The following OSBPL10 variants were observed in gnomAD, a reference collection of about 807,000 sequenced individuals.
The protein encoded by OSBPL10 is oxysterol binding protein like 10.
OSBPL10 carries 49 observed loss-of-function variants against 81.7 expected under a neutral mutation model. The observed-to-expected ratio is 0.60, with a 90% CI of 0.48 to 0.76. The LOEUF is 0.76. Ranked by LOEUF, OSBPL10 falls within the 30% of genes least tolerant of loss-of-function variation. The pLI is 0.00. For synonymous variants in OSBPL10, 419 were observed against 383.6 expected, an observed-to-expected ratio of 1.09 and a Z score of -1.08; for missense variants, 923 against 987.8, an observed-to-expected ratio of 0.93 and a Z score of 0.88.
intron 2 of OSBPL10, among the ~76,000 whole-genome samples, chr3:32,023,812 T>G (rs949644509): frequency 5.3e-5 from 8 of 152,176 alleles, no homozygotes; most frequent in Non-Finnish European, 1.2e-4. Flanking sequence ...ACATTCTATG[T>G]TTTTTTCTAT....
chr3:31,686,514 C>G (rs1430131139), intron 7 of OSBPL10, among the ~76,000 whole-genome samples: 1 of 152,180 alleles, frequency 6.6e-6, no homozygotes, highest in Non-Finnish European at 1.5e-5. Context: ...TAAAAACACT[C>G]AAAATGTTAA....
chr3:31,684,623 C>T (rs1245562461), intron 7 of OSBPL10, among the ~76,000 whole-genome samples: 1 of 152,128 alleles, frequency 6.6e-6, no homozygotes, highest in African/African-American at 2.4e-5. Context: ...TGACAGTGTG[C>T]ACTGGGAGGC....
At chr3:31,689,996 A>C (rs901040254) in intron 7 of OSBPL10, among the ~76,000 whole-genome samples, 2 of 152,092 alleles carry the variant, frequency 1.3e-5, no homozygotes, top group African/African-American at 4.8e-5. Context: ...GGAGGGGAGG[A>C]GAGAGGTTGG....
In OSBPL10 at chr3:31,929,993, T is replaced by C. The variant is rs1342315121; in HGVS notation, c.282-50163A>G. 4.1e-3 allele frequency among the ~76,000 whole-genome samples: 288 copies of C among 70,394 alleles called. 5 individuals carry two copies. The highest frequency in any genetic ancestry group is 0.015 in the African/African-American group (274 of 18,362). 46.2% of individuals were successfully genotyped at this position (70,394 alleles called of 152,430 possible). On this transcript the variant is annotated intron_variant, in intron 1 of 11. Coordinates refer to ENST00000396556, the MANE Select transcript of OSBPL10 (RefSeq NM_017784.5). The stretch of plus-strand genomic sequence containing the variant: ...CAGCCTGGGTGATCAAGTGAGACCC[T>C]GTCACCAACCAAAAAAAAAAAAAAA...
chr3:32,072,888 C>G (rs1699842170), intron 1 of OSBPL10, among the ~76,000 whole-genome samples: 1 of 152,146 alleles, frequency 6.6e-6, no homozygotes, highest in African/African-American at 2.4e-5. Flanking sequence ...TCAGTTTGGC[C>G]TTCCCACCTC....
chr3:31,872,495 T>G (rs1484343565), intron 3 of OSBPL10, among the ~76,000 whole-genome samples: 1 of 151,580 alleles, frequency 6.6e-6, no homozygotes, highest in Non-Finnish European at 1.5e-5. Flanking sequence ...TTAGGGTTAT[T>G]CACACTTTCA....
chr3:31,775,781 G>A (rs535022750), intron 4 of OSBPL10, among the ~76,000 whole-genome samples: 1 of 152,236 alleles, frequency 6.6e-6, no homozygotes, highest in East Asian at 1.9e-4. Context: ...AGAAAAAGAG[G>A]CCACTTACTC....
chr3:31,801,603 C>T (rs1257220260), intron 4 of OSBPL10, among the ~76,000 whole-genome samples: 1 of 152,146 alleles, frequency 6.6e-6, no homozygotes, highest in South Asian at 2.1e-4. Context: ...TAGCTGTGAC[C>T]GTGTTCACAC....
intron 4 of OSBPL10, among the ~76,000 whole-genome samples, chr3:31,750,817 T>C (rs982225327): frequency 1.3e-5 from 2 of 152,164 alleles, no homozygotes; most frequent in African/African-American, 2.4e-5. Context: ...CCATAAACTA[T>C]ACGGTATATA....
intron 1 of OSBPL10, among the ~76,000 whole-genome samples, chr3:31,911,184 A>G (rs36037886): frequency 0.16 from 24,474 of 152,156 alleles, 2,251 homozygotes; most frequent in East Asian, 0.21. Context: ...GGAAAAGGGG[A>G]AAAAGTCAAT....
chr3:31,829,802 C>T (rs1055224487), intron 4 of OSBPL10, among the ~76,000 whole-genome samples: 2 of 152,194 alleles, frequency 1.3e-5, no homozygotes, highest in African/African-American at 4.8e-5. Flanking sequence ...TGTAGGCTTG[C>T]TTTCTCTGCT....
chr3:31,725,903 T>C (rs1007276460), intron 6 of OSBPL10, among the ~76,000 whole-genome samples: 1 of 152,226 alleles, frequency 6.6e-6, no homozygotes, highest in Non-Finnish European at 1.5e-5. Flanking sequence ...CTAAATACTC[T>C]GGAGTTTCCA....
chr3:32,053,905 T>C (rs1248600914), intron 1 of OSBPL10, among the ~76,000 whole-genome samples: 3 of 152,058 alleles, frequency 2.0e-5, no homozygotes, highest in Non-Finnish European at 4.4e-5. Flanking sequence ...CAGACAGAGA[T>C]TGCAGTGAGC....
intron 1 of OSBPL10, among the ~76,000 whole-genome samples, chr3:32,071,028 T>C (rs750945632): frequency 6.6e-6 from 1 of 152,186 alleles, no homozygotes; most frequent in African/African-American, 2.4e-5. Flanking sequence ...TCTCACCTTA[T>C]TCAATATATT....
chr3:31,668,825 C>T lies in OSBPL10; in HGVS notation c.1914-1G>A. 6.2e-7 allele frequency: 1 copy of T among 1,602,254 alleles called. No homozygotes were observed. Among genetic ancestry groups the T allele is most frequent in the Non-Finnish European group, 8.5e-7 (1 of 1,172,576 alleles). On this transcript the variant is annotated splice_acceptor_variant, in intron 9 of 11. Transcript: ENST00000396556. LOFTEE classifies it high-confidence loss of function. The stretch of plus-strand genomic sequence containing the variant: ...GTTGTGCTTCACTTCTGCGGTAACC[C>T]TGAATTAATGAGTCAAATGAGTACA...
intron 2 of OSBPL10, among the ~76,000 whole-genome samples, chr3:32,039,465 C>G (rs1699550947): frequency 6.6e-6 from 1 of 151,906 alleles, no homozygotes; most frequent in Non-Finnish European, 1.5e-5. Context: ...CGAGACCAGC[C>G]TGGCCAGCAT....
chr3:31,909,862 T>G (rs1224067067), intron 1 of OSBPL10, among the ~76,000 whole-genome samples: 1 of 152,154 alleles, frequency 6.6e-6, no homozygotes, highest in Non-Finnish European at 1.5e-5. Context: ...TTTTTAAAAA[T>G]GTTAAACACA....
intron 3 of OSBPL10, among the ~76,000 whole-genome samples, chr3:31,833,705 G>GCGCACACACACACACA (rs1553631714): frequency 1.4e-5 from 2 of 137,962 alleles, no homozygotes; most frequent in East Asian, 4.4e-4. Flanking sequence ...ACACGCACAC[G>GCGCACACACACACACA]CACACACACA....
At chr3:31,804,749 A>G (rs926913456) in intron 4 of OSBPL10, among the ~76,000 whole-genome samples, 4 of 152,230 alleles carry the variant, frequency 2.6e-5, no homozygotes, top group Admixed American at 2.0e-4. Context: ...AGCAATAAAC[A>G]GCAGCATTCG....
Sources: allele counts gnomAD v4.1 joint callset (sites outside exome capture counted in the v4.1 genomes callset), GRCh38; gene constraint gnomAD v4.1.1; transcripts MANE v1.5; gene names NCBI Gene and HGNC (gene_info 2026-07-23, HGNC 2026-07-21).